The following MKLN1 variants were observed in gnomAD, a reference collection of about 807,000 sequenced individuals.
MKLN1 encodes muskelin 1, also known as muskelin.
MKLN1 carries 18 observed loss-of-function variants against 99.0 expected under a neutral mutation model. That is an observed-to-expected ratio of 0.18 (90% CI 0.13 to 0.27). MKLN1 has a LOEUF of 0.27. MKLN1 is among the 10% of genes least tolerant of loss of function. MKLN1 has a pLI of 1.00. For synonymous variants in MKLN1, 288 were observed against 293.2 expected (o/e 0.98, Z 0.18); for missense variants, 621 against 875.9 (o/e 0.71, Z 3.67).
chr7:131,454,060 C>CTTT (rs5887505), intron 12 of MKLN1, among the ~76,000 whole-genome samples: 1 of 139,522 alleles, frequency 7.2e-6, no homozygotes, highest in Non-Finnish European at 1.5e-5. Context: ...TTGGTACAGC[C>CTTT]TTTTTTTTTT....
Position 131,496,391 on chromosome 7 carries a change from CCTCATGAT to C in MKLN1, c.*8667_*8674del, listed in dbSNP as rs1562896645. ...CGTGTTCTGCAATCTTCCCCATTCC[CCTCATGAT>C]CTCTGGCTTATCTTTTATCCAATCT... On this transcript the variant is annotated 3_prime_UTR_variant, in exon 18 of 18. Transcript: ENST00000352689. The C allele has an allele frequency of 6.6e-6, 1 of 152,048 alleles. No individual in the cohort carries two copies. The allele number at this position is 152,048 out of a possible 1,614,324, so 9.4% of individuals were successfully genotyped here.
intron 3 of MKLN1, among the ~76,000 whole-genome samples, chr7:131,284,346 G>A (rs570372106): frequency 6.6e-6 from 1 of 152,290 alleles, no homozygotes; most frequent in East Asian, 1.9e-4. Flanking sequence ...GATTCTGATA[G>A]GTTCACTCTG....
chr7:131,229,622 C>T (rs766798502), intron 3 of MKLN1, among the ~76,000 whole-genome samples: 1 of 152,060 alleles, frequency 6.6e-6, no homozygotes, highest in African/African-American at 2.4e-5. Flanking sequence ...GTGACAAGAC[C>T]ACAGCTCACT....
intron 7 of MKLN1, 145 bp downstream of exon 7, chr7:131,411,528 T>G (rs2116327312): frequency 1.6e-6 from 1 of 636,046 alleles, no homozygotes; most frequent in South Asian, 1.9e-5. Context: ...ATCCCAATAC[T>G]TTTGGAGGCC....
At chr7:131,333,081 G>A (rs1393559076) in intron 1 of MKLN1, among the ~76,000 whole-genome samples, 3 of 152,014 alleles carry the variant, frequency 2.0e-5, no homozygotes, top group African/African-American at 4.8e-5. Context: ...GCACCACCAC[G>A]TCTGGTTAAT....
chr7:131,405,362 T>TA (rs1794669198), intron 6 of MKLN1, among the ~76,000 whole-genome samples: 1 of 151,992 alleles, frequency 6.6e-6, no homozygotes, highest in East Asian at 1.9e-4. Context: ...TATATATATA[T>TA]TTTTCCATCA....
chr7:131,245,084 A>G (rs1277229438), intron 3 of MKLN1, among the ~76,000 whole-genome samples: 1 of 152,186 alleles, frequency 6.6e-6, no homozygotes, highest in Non-Finnish European at 1.5e-5. Flanking sequence ...GCCCAGTGAC[A>G]TGATACTAAT....
intron 1 of MKLN1, among the ~76,000 whole-genome samples, chr7:131,357,154 C>T (rs772435571): frequency 1.3e-5 from 2 of 152,118 alleles, no homozygotes; most frequent in Non-Finnish European, 2.9e-5. Context: ...AAGTTTTTCT[C>T]GAATGTCCTT....
At chr7:131,165,842 C>T (rs1399697167) in intron 2 of MKLN1, among the ~76,000 whole-genome samples, 3 of 152,100 alleles carry the variant, frequency 2.0e-5, no homozygotes, top group African/African-American at 4.8e-5. Flanking sequence ...GGGCTAGGCA[C>T]GGTAGCTCAT....
intron 13 of MKLN1, 132 bp from the exon 14 acceptor site, chr7:131,464,162 A>T: frequency 2.0e-6 from 1 of 499,374 alleles, no homozygotes; most frequent in East Asian, 3.0e-5. Context: ...AATAACTAGA[A>T]CTTTAAGATA....
intron 16 of MKLN1, among the ~76,000 whole-genome samples, chr7:131,476,059 A>G (rs1193117699): frequency 1.3e-5 from 2 of 152,334 alleles, no homozygotes; most frequent in East Asian, 3.9e-4. Context: ...AAAACCATAG[A>G]TCATCTTAGT....
intron 2 of MKLN1, among the ~76,000 whole-genome samples, chr7:131,192,177 TA>T (rs199745919): frequency 1.2e-5 from 1 of 82,284 alleles, no homozygotes; most frequent in Admixed American, 1.6e-4. Context: ...GTATAATATA[TA>T]AAAATATATA....
At chr7:131,406,616 C>T (rs1794716328) in intron 6 of MKLN1, among the ~76,000 whole-genome samples, 3 of 151,788 alleles carry the variant, frequency 2.0e-5, no homozygotes, top group Non-Finnish European at 4.4e-5. Context: ...AATCTTATGT[C>T]TAGGATTGTG....
At position 131,493,519 on chromosome 7, in the gene MKLN1, AAT is replaced by A. The variant is rs1298216973; in HGVS notation, c.*5793_*5794del. On this transcript the variant is annotated 3_prime_UTR_variant, in exon 18 of 18. Coordinates refer to ENST00000352689, the MANE Select transcript of MKLN1 (RefSeq NM_013255.5). ...GCTTCTAGAATATTCAGTAATTCTG[AAT>A]AGTCTTTGGGAAGTAGCATTTCTTG... 2 of 152,230 alleles carry A rather than the reference AAT, an allele frequency of 1.3e-5. No homozygotes were observed. Among genetic ancestry groups the A allele is most frequent in the Non-Finnish European group, 2.9e-5 (2 of 68,034 alleles). The allele number at this position is 152,230 out of a possible 1,614,324, so 9.4% of individuals were successfully genotyped here. A position where few individuals can be genotyped will look rare whatever the true frequency, so the allele number is the denominator to read the frequency against.
chr7:131,167,965 GA>G (rs1271167395), intron 2 of MKLN1, among the ~76,000 whole-genome samples: 1 of 152,112 alleles, frequency 6.6e-6, no homozygotes, highest in African/African-American at 2.4e-5. Context: ...ATATACACCT[GA>G]AAAAGGACTA....
chr7:131,268,647 C>T (rs1034878676), intron 3 of MKLN1, among the ~76,000 whole-genome samples: 1 of 152,112 alleles, frequency 6.6e-6, no homozygotes, highest in African/African-American at 2.4e-5. Context: ...TGGGCCAGAT[C>T]TGGAACTGGC....
Position 131,205,541 on chromosome 7 carries a change from A to G in MKLN1, c.-179+2567A>G, listed in dbSNP as rs114631415. Among the ~76,000 whole-genome samples, 833 of 152,256 alleles carry G rather than the reference A, an allele frequency of 5.5e-3. 9 individuals are homozygous for G. Among genetic ancestry groups the G allele is most frequent in the African/African-American group, 0.019 (773 of 41,530 alleles). ...CTTATTCCATAGGTTTTGCAGTTCT[A>G]TAGGTCAGAAGTCCTGGTGGGCTTG... is the stretch of plus-strand genomic sequence containing the variant. On this transcript the variant is annotated intron_variant, in intron 3 of 7. Coordinates refer to the MKLN1 transcript ENST00000416992.
At chr7:131,404,320 TGTGGAG>T (rs1302496051) in intron 6 of MKLN1, among the ~76,000 whole-genome samples, 1 of 152,158 alleles carries the variant, frequency 6.6e-6, no homozygotes, top group Non-Finnish European at 1.5e-5. Flanking sequence ...GTTACCTTTG[TGTGGAG>T]GTTTTTGTGT....
chr7:131,178,525 G>A (rs972632753), intron 2 of MKLN1, among the ~76,000 whole-genome samples: 1 of 151,990 alleles, frequency 6.6e-6, no homozygotes, highest in African/African-American at 2.4e-5. Flanking sequence ...TTGAAGTTTT[G>A]TTAGCAAGGA....
Sources: allele counts gnomAD v4.1 joint callset (sites outside exome capture counted in the v4.1 genomes callset), GRCh38; gene constraint gnomAD v4.1.1; transcripts MANE v1.5; gene names NCBI Gene and HGNC (gene_info 2026-07-23, HGNC 2026-07-21).